The following GNG12 variants were observed in gnomAD, a reference collection of about 807,000 sequenced individuals.
The protein encoded by GNG12 is G protein subunit gamma 12, also known as guanine nucleotide-binding protein G(I)/G(S)/G(O) subunit gamma-12.
For missense variants in GNG12, 69 were observed against 83.8 expected, an observed-to-expected ratio of 0.82 and a Z score of 0.69; for synonymous variants, 28 against 29.7, an observed-to-expected ratio of 0.94 and a Z score of 0.19.
intron 1 of GNG12, among the ~76,000 whole-genome samples, chr1:67,791,881 C>T (rs1185394118): frequency 2.0e-5 from 3 of 152,188 alleles, no homozygotes; most frequent in Non-Finnish European, 4.4e-5. Flanking sequence ...CTCCTTGGCC[C>T]ATCAGCAGCT....
chr1:67,734,596 A>G (rs1471284077), intron 2 of GNG12, among the ~76,000 whole-genome samples: 2 of 152,142 alleles, frequency 1.3e-5, no homozygotes, highest in Admixed American at 1.3e-4. Flanking sequence ...CTGGCTCCAA[A>G]GCCCTTGTAT....
At chr1:67,719,344 T>A (rs1250559892) in intron 2 of GNG12, among the ~76,000 whole-genome samples, 1 of 152,228 alleles carries the variant, frequency 6.6e-6, no homozygotes, top group Non-Finnish European at 1.5e-5. Context: ...TCCTGCTACA[T>A]GCTTACATCT....
intron 1 of GNG12, among the ~76,000 whole-genome samples, chr1:67,803,965 G>A (rs1377093046): frequency 6.6e-6 from 1 of 152,174 alleles, no homozygotes; most frequent in Non-Finnish European, 1.5e-5. Flanking sequence ...GATGATGGTG[G>A]GTAAGGAATC....
intron 2 of GNG12, among the ~76,000 whole-genome samples, chr1:67,741,131 T>C (rs1041583460): frequency 2.0e-5 from 3 of 152,234 alleles, no homozygotes; most frequent in South Asian, 2.1e-4. Context: ...TTCATTTTTA[T>C]AAAATACAGA....
At chr1:67,783,800 A>C (rs1202384332) in intron 1 of GNG12, among the ~76,000 whole-genome samples, 3 of 152,212 alleles carry the variant, frequency 2.0e-5, no homozygotes, top group South Asian at 2.1e-4. Flanking sequence ...GGCGATCATT[A>C]AAAAGTCAGG....
chr1:67,803,732 T>A (rs1007748876), intron 1 of GNG12, among the ~76,000 whole-genome samples: 1 of 152,166 alleles, frequency 6.6e-6, no homozygotes, highest in Non-Finnish European at 1.5e-5. Flanking sequence ...AACTAGTCAG[T>A]GGTAAATGAT....
intron 2 of GNG12, among the ~76,000 whole-genome samples, chr1:67,717,512 T>C (rs1016623530): frequency 1.5e-5 from 2 of 136,516 alleles, no homozygotes; most frequent in Admixed American, 1.4e-4. Flanking sequence ...TGAGACTCTG[T>C]CAAAAAAAAA....
chr1:67,753,381 A>C (rs1161205202), intron 2 of GNG12, among the ~76,000 whole-genome samples: 1 of 151,914 alleles, frequency 6.6e-6, no homozygotes, highest in Non-Finnish European at 1.5e-5. Context: ...AATCTGAAAC[A>C]CTTCTGGATC....
At chr1:67,727,644 C>A (rs547855109) in intron 2 of GNG12, among the ~76,000 whole-genome samples, 2 of 152,322 alleles carry the variant, frequency 1.3e-5, no homozygotes, top group South Asian at 4.1e-4. Context: ...CATGTAGATG[C>A]TGCCACATCT....
At chr1:67,734,781 G>A (rs1237752366) in intron 2 of GNG12, among the ~76,000 whole-genome samples, 1 of 152,028 alleles carries the variant, frequency 6.6e-6, no homozygotes, top group Admixed American at 6.6e-5. Context: ...CACACTACAG[G>A]GTCTGGCTCT....
At position 67,707,642 on chromosome 1, in the gene GNG12, C is replaced by T. The variant is rs1480989845; in HGVS notation, c.45G>A (p.Arg15=). ...TASTNNIAQA[R]RTVQQLRLEA... The stretch of plus-strand genomic sequence containing the variant: ...CTAATCTTAACTGCTGCACAGTTCT[C>T]CTTGCCTGGGCTATATTGTTGGTGC... Residue 15 remains arginine (R), a synonymous_variant, in exon 3 of 4, where the codon AGG becomes AGA. Transcript: ENST00000370982. The T allele has an allele frequency of 1.2e-6, 2 of 1,608,750 alleles. No individual in the cohort carries two copies. The highest frequency in any genetic ancestry group is 3.4e-5 in the Admixed American group (2 of 58,986).
At chr1:67,806,941 T>C (rs1055762224) in intron 1 of GNG12, among the ~76,000 whole-genome samples, 7 of 152,130 alleles carry the variant, frequency 4.6e-5, no homozygotes, top group African/African-American at 1.7e-4. Context: ...TGGATATAAT[T>C]GACTTCTATA....
intron 2 of GNG12, among the ~76,000 whole-genome samples, chr1:67,746,447 TGTAACATCCCTTCTTC>T (rs1183680571): frequency 6.6e-6 from 1 of 152,068 alleles, no homozygotes; most frequent in African/African-American, 2.4e-5. Flanking sequence ...TAAGCAAGCC[TGTAACATCCCTTCTTC>T]TCAGCAATCA....
chr1:67,779,146 C>A (rs1227015716), intron 1 of GNG12, among the ~76,000 whole-genome samples: 8 of 152,116 alleles, frequency 5.3e-5, no homozygotes. Context: ...AGATAGATAT[C>A]CCTATATCTG....
At chr1:67,770,979 C>T (rs1032677945) in intron 2 of GNG12, among the ~76,000 whole-genome samples, 4 of 151,810 alleles carry the variant, frequency 2.6e-5, no homozygotes, top group African/African-American at 4.8e-5. Flanking sequence ...TGTGTGTGTG[C>T]GTGCTGAGAG....
chr1:67,793,192 T>C (rs7534605), intron 1 of GNG12, among the ~76,000 whole-genome samples: 1 of 152,184 alleles, frequency 6.6e-6, no homozygotes, highest in Non-Finnish European at 1.5e-5. Flanking sequence ...TGTGTAAAAA[T>C]AGGATATTCT....
At chr1:67,769,966 G>A (rs1646664008) in intron 2 of GNG12, among the ~76,000 whole-genome samples, 1 of 152,152 alleles carries the variant, frequency 6.6e-6, no homozygotes, top group Admixed American at 6.5e-5. Flanking sequence ...GGGATGATAT[G>A]GGAGGGAAGG....
chr1:67,742,365 T>A (rs1646487615), intron 2 of GNG12, among the ~76,000 whole-genome samples: 1 of 152,176 alleles, frequency 6.6e-6, no homozygotes, highest in Non-Finnish European at 1.5e-5. Flanking sequence ...AGAGGCAAGT[T>A]ACTACACTAT....
chr1:67,799,116 G>C (rs1646849284), intron 1 of GNG12, among the ~76,000 whole-genome samples: 1 of 151,978 alleles, frequency 6.6e-6, no homozygotes, highest in Non-Finnish European at 1.5e-5. Context: ...TATTAATAAG[G>C]CTTGTCAACA....
Sources: allele counts gnomAD v4.1 joint callset (sites outside exome capture counted in the v4.1 genomes callset), GRCh38; gene constraint gnomAD v4.1.1; transcripts MANE v1.5; gene names NCBI Gene and HGNC (gene_info 2026-07-23, HGNC 2026-07-21).